Variants in VTI1A observed in about 807,000 individuals in gnomAD.
VTI1A encodes vesicle transport through interaction with t-SNAREs 1A.
In VTI1A, 22 loss-of-function variants were observed where a neutral mutation model predicts 34.9. The ratio of observed to expected loss-of-function variants is 0.63; its 90% CI spans 0.45 to 0.90. VTI1A has a LOEUF of 0.90. Ranked by LOEUF, VTI1A falls within the 40% of genes least tolerant of loss-of-function variation. VTI1A has a pLI of 0.00. For synonymous variants in VTI1A, 87 were observed against 97.3 expected, an observed-to-expected ratio of 0.89 and a Z score of 0.62; for missense variants, 268 against 275.6, an observed-to-expected ratio of 0.97 and a Z score of 0.20.
At chr10:112,705,326 G>T (rs1849157692) in intron 7 of VTI1A, among the ~76,000 whole-genome samples, 1 of 152,108 alleles carries the variant, frequency 6.6e-6, no homozygotes, top group Non-Finnish European at 1.5e-5. Flanking sequence ...GGCCAGTGAA[G>T]CTCTTTTAGA....
At chr10:112,537,335 A>ATATATATATATATATATATC (rs1202223178) in intron 4 of VTI1A, among the ~76,000 whole-genome samples, 3 of 134,118 alleles carry the variant, frequency 2.2e-5, no homozygotes, top group Non-Finnish European at 4.8e-5. Context: ...ATATATATAT[A>ATATATATATATATATATATC]TATCTGTATC....
At chr10:112,641,178 T>C (rs980194328) in intron 5 of VTI1A, among the ~76,000 whole-genome samples, 3 of 152,112 alleles carry the variant, frequency 2.0e-5, no homozygotes. Flanking sequence ...AGCAGGCTTG[T>C]TGAGCTGTCA....
chr10:112,572,678 A>C (rs1394590461), intron 5 of VTI1A, among the ~76,000 whole-genome samples: 1 of 152,082 alleles, frequency 6.6e-6, no homozygotes, highest in Non-Finnish European at 1.5e-5. Context: ...CTCTACTAAA[A>C]ATACAAAAAA....
intron 4 of VTI1A, among the ~76,000 whole-genome samples, chr10:112,534,438 A>C (rs764671178): frequency 6.6e-6 from 1 of 152,114 alleles, no homozygotes; most frequent in Non-Finnish European, 1.5e-5. Flanking sequence ...TATAGTATAG[A>C]GTAGTATGAA....
At chr10:112,626,749 A>T (rs542056494) in intron 5 of VTI1A, among the ~76,000 whole-genome samples, 9 of 152,338 alleles carry the variant, frequency 5.9e-5, no homozygotes, top group Non-Finnish European at 7.4e-5. Context: ...CTTCAGGTAC[A>T]TTGGGGATGA....
rs75062189 is a variant in VTI1A at position 112,686,692 on chromosome 10, C to T, written c.560+17694C>T. Among the ~76,000 whole-genome samples, 1,093 of 152,260 alleles carry T rather than the reference C, an allele frequency of 7.2e-3. 18 individuals are homozygous for T. The highest frequency in any genetic ancestry group is 0.025 in the African/African-American group (1,025 of 41,548). On this transcript the variant is annotated intron_variant, in intron 7 of 7. Coordinates refer to ENST00000393077, the MANE Select transcript of VTI1A (RefSeq NM_145206.4). ...AAATACTGCCTCGCAAAGTCAGCCA[C>T]GGTGTAAGTGCCTACTATATGCTCT...
intron 7 of VTI1A, among the ~76,000 whole-genome samples, chr10:112,728,527 T>C (rs1199894872): frequency 2.6e-5 from 4 of 152,236 alleles, no homozygotes; most frequent in South Asian, 4.1e-4. Flanking sequence ...AGCTAAAGTC[T>C]GATGTGACCT....
chr10:112,519,973 C>T (rs558625039), intron 3 of VTI1A, among the ~76,000 whole-genome samples: 3 of 152,156 alleles, frequency 2.0e-5, no homozygotes, highest in South Asian at 2.1e-4. Flanking sequence ...CACTTATATA[C>T]TTTGTTGCAG....
chr10:112,730,396 T>C (rs1376540686), intron 7 of VTI1A, among the ~76,000 whole-genome samples: 5 of 152,188 alleles, frequency 3.3e-5, no homozygotes, highest in African/African-American at 1.2e-4. Context: ...AGTCACCTTG[T>C]GGCGTGATCT....
intron 7 of VTI1A, among the ~76,000 whole-genome samples, chr10:112,768,548 A>G (rs1382863363): frequency 6.6e-6 from 1 of 151,888 alleles, no homozygotes; most frequent in Non-Finnish European, 1.5e-5. Flanking sequence ...TCCACCCTCA[A>G]CCTCTATCTG....
the VTI1A span, chr10:112,831,308 G>A: frequency 1.3e-5 from 2 of 152,276 alleles, no homozygotes; most frequent in African/African-American, 4.8e-5. Flanking sequence ...TGCATGGTGT[G>A]GGAGAGAAGA....
intron 7 of VTI1A, among the ~76,000 whole-genome samples, chr10:112,787,351 G>C (rs1163577563): frequency 6.6e-6 from 1 of 151,892 alleles, no homozygotes; most frequent in Non-Finnish European, 1.5e-5. Flanking sequence ...CCAACTTCTG[G>C]TTTCATTGAT....
intron 3 of VTI1A, among the ~76,000 whole-genome samples, chr10:112,477,843 T>C (rs1259656118): frequency 6.6e-6 from 1 of 152,240 alleles, no homozygotes; most frequent in Non-Finnish European, 1.5e-5. Context: ...TTTTGTTTCA[T>C]TGTTTTCTTA....
At chr10:112,813,415 A>C (rs1017350253) in intron 7 of VTI1A, among the ~76,000 whole-genome samples, 1 of 152,198 alleles carries the variant, frequency 6.6e-6, no homozygotes, top group Non-Finnish European at 1.5e-5. Context: ...AAGAGTTTTC[A>C]TGCTTTTAAT....
At chr10:112,457,129 C>G (rs1157639350) in intron 1 of VTI1A, among the ~76,000 whole-genome samples, 1 of 152,088 alleles carries the variant, frequency 6.6e-6, no homozygotes, top group Admixed American at 6.5e-5. Context: ...ATACTAGAAA[C>G]CTTGTAGTTG....
intron 5 of VTI1A, among the ~76,000 whole-genome samples, chr10:112,655,000 C>G (rs1847176823): frequency 1.3e-5 from 2 of 152,298 alleles, no homozygotes; most frequent in Middle Eastern, 3.4e-3. Flanking sequence ...AAACAGGCCA[C>G]AGGCTGGATT....
chr10:112,572,173 T>C (rs1426312302), intron 5 of VTI1A, among the ~76,000 whole-genome samples: 1 of 152,232 alleles, frequency 6.6e-6, no homozygotes, highest in Non-Finnish European at 1.5e-5. Flanking sequence ...GATTGTAGAA[T>C]TCTGTTTCTG....
intron 7 of VTI1A, among the ~76,000 whole-genome samples, chr10:112,714,194 A>G (rs1032004012): frequency 1.3e-5 from 2 of 152,136 alleles, no homozygotes; most frequent in Non-Finnish European, 2.9e-5. Context: ...TGAGTTTTAT[A>G]AGGAGAGTGG....
At chr10:112,684,010 G>GC (rs1564882469) in intron 7 of VTI1A, among the ~76,000 whole-genome samples, 1 of 150,266 alleles carries the variant, frequency 6.7e-6, no homozygotes, top group African/African-American at 2.5e-5. Context: ...GCCACTGCAC[G>GC]CCAGCCTGAC....
Sources: gnomAD v4.1 joint callset for allele counts (sites outside exome capture counted in the v4.1 genomes callset) on GRCh38, gnomAD v4.1.1 for gene constraint, MANE v1.5 for transcripts, NCBI Gene and HGNC (gene_info 2026-07-23, HGNC 2026-07-21) for gene names.